DYSF: variants seen among roughly 807,000 people sequenced by gnomAD.
DYSF encodes the protein dystrophy-associated fer-1-like 1.
A neutral mutation model predicts 274.9 loss-of-function variants in DYSF; 212 were observed. The ratio of observed to expected loss-of-function variants is 0.77; its 90% confidence interval spans 0.69 to 0.86. The LOEUF (loss-of-function observed/expected upper bound fraction) is 0.86. Among genes scored for constraint, DYSF ranks in the 40% least tolerant of loss-of-function variants. The pLI is 0.00. For synonymous variants in DYSF, 1,091 were observed against 1,078.7 expected (o/e 1.01, Z -0.22); for missense variants, 2,666 against 2,783.2 (o/e 0.96, Z 0.95).
rs113503221 is a variant in DYSF at position 71,587,012 on chromosome 2, C to T, written c.3403-2581C>T. On this transcript the variant is annotated intron_variant, in intron 30 of 55. Coordinates refer to ENST00000410020, the MANE Select transcript of DYSF (RefSeq NM_001130987.2). Reference sequence around the variant, plus strand: ...TAGAGGTGCTGAGATGCAGGCATCACGCACTGTTGCACCTGCGGGCTGGCC... The same window carrying T: ...TAGAGGTGCTGAGATGCAGGCATCATGCACTGTTGCACCTGCGGGCTGGCC... Among the ~76,000 whole-genome samples the T allele has an allele frequency of 1.5e-3, 230 of 152,352 alleles. 1 individual carries two copies. The highest frequency in any genetic ancestry group is 4.9e-3 in the African/African-American group (205 of 41,588).
chr2:71,573,638 G>A (rs558764539), intron 29 of DYSF, among the ~76,000 whole-genome samples: 2 of 152,122 alleles, frequency 1.3e-5, no homozygotes, highest in Non-Finnish European at 2.9e-5. Context: ...AGGATGTGAA[G>A]ATGAAAAAGG....
At chr2:71,678,486 T>C (rs2095254496) in intron 52 of DYSF, among the ~76,000 whole-genome samples, 1 of 152,054 alleles carries the variant, frequency 6.6e-6, no homozygotes, top group Non-Finnish European at 1.5e-5. Context: ...AATAGACAAA[T>C]TCATAGAGAC....
intron 29 of DYSF, 61 bp downstream of exon 29, chr2:71,570,802 GATGCAGACCTGC>G: frequency 6.2e-7 from 1 of 1,605,226 alleles, no homozygotes; most frequent in Non-Finnish European, 8.5e-7. Context: ...AGTAGGCACA[GATGCAGACCTGC>G]ATGCCCACAG....
At chr2:71,680,588 A>G (rs1013554907) in intron 53 of DYSF, among the ~76,000 whole-genome samples, 1 of 152,266 alleles carries the variant, frequency 6.6e-6, no homozygotes, top group Non-Finnish European at 1.5e-5. Context: ...AGTTTACTAA[A>G]TAATTATGGT....
chr2:71,555,080 G>T (rs2091245533), intron 21 of DYSF, among the ~76,000 whole-genome samples: 1 of 151,760 alleles, frequency 6.6e-6, no homozygotes. Context: ...TTGAAGGAAA[G>T]GTGGACAGAG....
intron 32 of DYSF, among the ~76,000 whole-genome samples, chr2:71,595,860 C>T (rs1029537098): frequency 6.6e-6 from 1 of 152,188 alleles, no homozygotes; most frequent in Non-Finnish European, 1.5e-5. Context: ...AAACCCAGCC[C>T]CTCACCTTCC....
intron 16 of DYSF, among the ~76,000 whole-genome samples, chr2:71,537,517 A>T (rs567630821): frequency 2.0e-4 from 30 of 152,162 alleles, no homozygotes; most frequent in African/African-American, 5.8e-4. Flanking sequence ...AAGTGCTGGG[A>T]TTATGGGCGT....
At chr2:71,622,879 T>C (rs2094136262) in intron 41 of DYSF, among the ~76,000 whole-genome samples, 1 of 152,242 alleles carries the variant, frequency 6.6e-6, no homozygotes. Context: ...CTTCCCAAAG[T>C]GTTGGGATTA....
chr2:71,509,538 T>A (rs977770092), intron 4 of DYSF, among the ~76,000 whole-genome samples: 5 of 151,872 alleles, frequency 3.3e-5, no homozygotes, highest in Admixed American at 3.3e-4. Flanking sequence ...AATAGTGATA[T>A]TCTCAGTTAT....
intron 22 of DYSF, among the ~76,000 whole-genome samples, chr2:71,558,565 G>A (rs981687032): frequency 6.6e-6 from 1 of 152,216 alleles, no homozygotes; most frequent in Non-Finnish European, 1.5e-5. Flanking sequence ...TGACCCCCGT[G>A]TTGTTTGTAG....
rs2091777051 is a variant in DYSF, at chr2:71,561,682, A to T, written c.2217-70A>T. ...GTGGGGCCTGCTGTGAGAACCTGGC[A>T]CATGTGCATGCCTGGACCTGGGAGA... On this transcript the variant is annotated intron_variant, in intron 22 of 55. Coordinates refer to ENST00000410020, the MANE Select transcript of DYSF (RefSeq NM_001130987.2). 3.8e-5 allele frequency: 61 copies of T among 1,592,010 alleles called. 1 individual carries two copies. In the South Asian group the frequency reaches 6.6e-4, roughly 17 times the overall value.
At chr2:71,589,912 G>A (rs890910505) in intron 31 of DYSF, among the ~76,000 whole-genome samples, 6 of 152,092 alleles carry the variant, frequency 3.9e-5, no homozygotes, top group African/African-American at 1.2e-4. Context: ...CTGAGATCAG[G>A]CATTTAAGGC....
At chr2:71,674,112 C>A in intron 51 of DYSF, 85 bp from the exon 52 acceptor site, 1 of 1,265,652 alleles carries the variant, frequency 7.9e-7, no homozygotes, top group Non-Finnish European at 1.1e-6. Context: ...CTGCCTCCTC[C>A]AGGCAGCCTT....
chr2:71,543,770 G>C (rs944638684), intron 17 of DYSF, among the ~76,000 whole-genome samples: 7 of 152,224 alleles, frequency 4.6e-5, no homozygotes, highest in Non-Finnish European at 8.8e-5. Flanking sequence ...GCTGAGGCAG[G>C]AGAATCAGGC....
chr2:71,464,067 C>T (rs1573260769), upstream of DYSF, among the ~76,000 whole-genome samples: 2 of 152,192 alleles, frequency 1.3e-5, no homozygotes, highest in East Asian at 3.9e-4. Flanking sequence ...CCCCCATGCT[C>T]ATCCTAGCTC....
intron 36 of DYSF, among the ~76,000 whole-genome samples, chr2:71,608,430 G>C (rs915706363): frequency 6.6e-6 from 1 of 152,136 alleles, no homozygotes; most frequent in African/African-American, 2.4e-5. Flanking sequence ...AGCATGTCCT[G>C]GGACCCCTGG....
At chr2:71,581,110 C>T (rs2092880898) in intron 30 of DYSF, among the ~76,000 whole-genome samples, 1 of 152,226 alleles carries the variant, frequency 6.6e-6, no homozygotes, top group African/African-American at 2.4e-5. Flanking sequence ...ATAGAGTTGT[C>T]CTAATTACCA....
chr2:71,543,519 G>A (rs1338899547), intron 17 of DYSF, among the ~76,000 whole-genome samples: 1 of 152,238 alleles, frequency 6.6e-6, no homozygotes, highest in African/African-American at 2.4e-5. Context: ...CGGCTGGGAG[G>A]TGGAGGTTGA....
At chr2:71,475,720 A>G (rs1426722174) in intron 1 of DYSF, among the ~76,000 whole-genome samples, 3 of 152,166 alleles carry the variant, frequency 2.0e-5, no homozygotes, top group Non-Finnish European at 4.4e-5. Context: ...TGTAAGGTAG[A>G]TATTATGATG....
Sources: allele counts gnomAD v4.1 joint callset (sites outside exome capture counted in the v4.1 genomes callset), GRCh38; gene constraint gnomAD v4.1.1; transcripts MANE v1.5; gene names NCBI Gene and HGNC (gene_info 2026-07-23, HGNC 2026-07-21).